PHLDB2: variants seen among roughly 807,000 people sequenced by gnomAD.
PHLDB2 encodes pleckstrin homology-like domain family B member 2.
In PHLDB2, 71 loss-of-function variants were observed where a neutral mutation model predicts 123.6. The ratio of observed to expected loss-of-function variants is 0.57; its 90% CI spans 0.47 to 0.70. PHLDB2 has a LOEUF of 0.70. Ranked by LOEUF, PHLDB2 falls within the 30% of genes least tolerant of loss-of-function variation. PHLDB2 has a pLI of 0.00. For synonymous variants in PHLDB2, 547 were observed against 541.6 expected, an observed-to-expected ratio of 1.01 and a Z score of -0.14; for missense variants, 1,446 against 1,519.5, an observed-to-expected ratio of 0.95 and a Z score of 0.80.
chr3:111,766,967 G>A (rs979992031), intron 1 of PHLDB2, among the ~76,000 whole-genome samples: 1 of 143,504 alleles, frequency 7.0e-6, no homozygotes, highest in Non-Finnish European at 1.5e-5. Flanking sequence ...AGACGCAGAG[G>A]TTGCAGTGAG....
intron 1 of PHLDB2, among the ~76,000 whole-genome samples, chr3:111,747,267 A>G (rs1044495418): frequency 1.3e-5 from 2 of 152,180 alleles, no homozygotes; most frequent in Non-Finnish European, 2.9e-5. Flanking sequence ...TATTAAAAAT[A>G]CATAATAGAA....
intron 6 of PHLDB2, among the ~76,000 whole-genome samples, chr3:111,938,631 T>C (rs1489858343): frequency 6.6e-6 from 1 of 152,142 alleles, no homozygotes; most frequent in Non-Finnish European, 1.5e-5. Context: ...AATTTTTTTC[T>C]GCACAGTCCA....
At chr3:111,831,249 A>G (rs922689724) in intron 1 of PHLDB2, among the ~76,000 whole-genome samples, 2 of 152,208 alleles carry the variant, frequency 1.3e-5, no homozygotes, top group Non-Finnish European at 2.9e-5. Context: ...TCTCAAATGT[A>G]TTATTTATAC....
At chr3:111,795,111 T>C (rs893339593) in intron 1 of PHLDB2, among the ~76,000 whole-genome samples, 1 of 152,226 alleles carries the variant, frequency 6.6e-6, no homozygotes, top group African/African-American at 2.4e-5. Context: ...TAACAACTAA[T>C]GTCTAGTTTT....
chr3:111,821,292 T>C (rs953168684), intron 1 of PHLDB2, among the ~76,000 whole-genome samples: 7 of 152,160 alleles, frequency 4.6e-5, no homozygotes, highest in Admixed American at 4.6e-4. Context: ...ATCCATGCTG[T>C]GGAGAATATG....
intron 1 of PHLDB2, among the ~76,000 whole-genome samples, chr3:111,751,412 G>A (rs12496971): frequency 0.5 from 76,031 of 152,032 alleles, 19,618 homozygotes; most frequent in African/African-American, 0.62. Context: ...TACCACCTAT[G>A]TTCTACTCAT....
intron 3 of PHLDB2, chr3:111,917,610 A>G (rs2068255626): frequency 6.6e-6 from 1 of 152,236 alleles, no homozygotes; most frequent in Non-Finnish European, 1.5e-5. Flanking sequence ...CAGTTGTTTT[A>G]TTAGTTGATA....
chr3:111,893,814 A>T (rs1289357430), intron 2 of PHLDB2, among the ~76,000 whole-genome samples: 1 of 150,300 alleles, frequency 6.7e-6, no homozygotes, highest in African/African-American at 2.4e-5. Flanking sequence ...GCACAGGAGT[A>T]GATTGACGAT....
At chr3:111,935,093 ATTTTTTT>A (rs34291565) in intron 6 of PHLDB2, among the ~76,000 whole-genome samples, 1 of 75,168 alleles carries the variant, frequency 1.3e-5, no homozygotes, top group Non-Finnish European at 2.5e-5. Context: ...TGGTATCTTG[ATTTTTTT>A]TTTTTTTTTT....
chr3:111,886,467 A>G (rs1269013097), intron 2 of PHLDB2, among the ~76,000 whole-genome samples: 1 of 150,606 alleles, frequency 6.6e-6, no homozygotes, highest in Non-Finnish European at 1.5e-5. Context: ...TTTTAAGCTC[A>G]TCAGCTATCG....
At chr3:111,792,518 CA>C (rs1173800256) in intron 1 of PHLDB2, among the ~76,000 whole-genome samples, 1 of 152,050 alleles carries the variant, frequency 6.6e-6, no homozygotes, top group Admixed American at 6.5e-5. Context: ...CCAGCCTGGG[CA>C]ACATAAGGAG....
intron 2 of PHLDB2, among the ~76,000 whole-genome samples, chr3:111,901,097 T>C (rs2067168477): frequency 2.0e-5 from 3 of 152,238 alleles, no homozygotes; most frequent in South Asian, 2.1e-4. Context: ...TGGTGGCTCA[T>C]GCCTGTCATC....
rs1440030898 is a variant in PHLDB2 at position 111,974,671 on chromosome 3, T to C, written c.*108T>C. ...AACCCAACAGATCCATCCCTTGAGC[T>C]GTAAACACTCAGAACTCCTTTCATA... On this transcript the variant is annotated 3_prime_UTR_variant, in exon 18 of 18. Transcript: ENST00000431670. 1.8e-5 allele frequency: 21 copies of C among 1,160,604 alleles called. No individual in the cohort carries two copies. The highest frequency in any genetic ancestry group is 2.4e-5 in the Non-Finnish European group (21 of 876,958). The allele number at this position is 1,160,604 out of a possible 1,614,324, so 71.9% of individuals were successfully genotyped here. A position where few individuals can be genotyped will look rare whatever the true frequency, so the allele number is the denominator to read the frequency against.
intron 1 of PHLDB2, among the ~76,000 whole-genome samples, chr3:111,865,038 A>C (rs765819518): frequency 5.9e-5 from 9 of 152,222 alleles, no homozygotes; most frequent in Non-Finnish European, 1.3e-4. Flanking sequence ...CCTACTGCTA[A>C]AACAAGGAAA....
chr3:111,778,131 A>G (rs915903518), intron 1 of PHLDB2: 1 of 152,116 alleles, frequency 6.6e-6, no homozygotes, highest in Non-Finnish European at 1.5e-5. Flanking sequence ...ATGTTTCCCC[A>G]AATTCATGTG....
chr3:111,905,050 G>A (rs142973887), intron 2 of PHLDB2, among the ~76,000 whole-genome samples: 22 of 152,234 alleles, frequency 1.4e-4, no homozygotes, highest in African/African-American at 5.3e-4. Flanking sequence ...ATGAGAGCGG[G>A]CCCTCTAATT....
chr3:111,834,205 A>G (rs1219675172), intron 1 of PHLDB2, among the ~76,000 whole-genome samples: 617 of 48,352 alleles, frequency 0.013, no homozygotes, highest in Non-Finnish European at 0.019. Context: ...ATAGAATTAT[A>G]TATGTAATAG....
At chr3:111,859,938 G>C (rs1576915238) in intron 1 of PHLDB2, 1 of 984,072 alleles carries the variant, frequency 1.0e-6, no homozygotes, top group Non-Finnish European at 1.2e-6. Context: ...AGGGACAAAA[G>C]CCCGGGCTGG....
chr3:111,930,753 C>T (rs976333096), intron 5 of PHLDB2, among the ~76,000 whole-genome samples: 2 of 152,296 alleles, frequency 1.3e-5, no homozygotes, highest in Non-Finnish European at 2.9e-5. Context: ...TTGGTGTGTA[C>T]AGTGAGCAAA....
Sources: allele counts gnomAD v4.1 joint callset (sites outside exome capture counted in the v4.1 genomes callset), GRCh38; gene constraint gnomAD v4.1.1; transcripts MANE v1.5; gene names NCBI Gene and HGNC (gene_info 2026-07-23, HGNC 2026-07-21).